Variants in TPD52 observed in about 807,000 individuals in gnomAD.
TPD52 encodes tumor protein D52, also known as prostate and colon associated protein.
Under a neutral mutation model 31.3 loss-of-function variants are expected in TPD52, and 17 were observed. The observed-to-expected ratio is 0.54, with a 90% CI of 0.37 to 0.82. The LOEUF (loss-of-function observed/expected upper bound fraction) is 0.82, where lower values mean the gene tolerates loss of function less well. Among genes scored for constraint, TPD52 ranks in the 40% least tolerant of loss-of-function variants. The probability of loss-of-function intolerance (pLI) is 0.00; values close to 1 mark genes in which losing one functional copy is unlikely to be tolerated. For synonymous variants in TPD52, 83 were observed against 89.6 expected, an observed-to-expected ratio of 0.93 and a Z score of 0.42; for missense variants, 212 against 240.1, an observed-to-expected ratio of 0.88 and a Z score of 0.77.
intron 1 of TPD52, among the ~76,000 whole-genome samples, chr8:80,164,118 T>C (rs1327054875): frequency 3.3e-5 from 5 of 151,672 alleles, no homozygotes; most frequent in Non-Finnish European, 7.4e-5. Flanking sequence ...GCCAGCATGA[T>C]TTTTGTTGAA....
intron 2 of TPD52, among the ~76,000 whole-genome samples, chr8:80,062,819 A>T (rs1203846435): frequency 6.6e-6 from 1 of 152,048 alleles, no homozygotes; most frequent in East Asian, 1.9e-4. Flanking sequence ...AAATTAAAAA[A>T]TTTGCCAGGC....
intron 1 of TPD52, among the ~76,000 whole-genome samples, chr8:80,166,982 T>C (rs572769459): frequency 6.6e-6 from 1 of 152,210 alleles, no homozygotes; most frequent in Non-Finnish European, 1.5e-5. Context: ...CTAACTATGA[T>C]TTCTCATTCT....
chr8:80,115,088 T>C (rs896328576), intron 1 of TPD52, among the ~76,000 whole-genome samples: 3 of 152,238 alleles, frequency 2.0e-5, no homozygotes, highest in Non-Finnish European at 4.4e-5. Context: ...ATGCTCCTTT[T>C]GTTTTTTGAA....
At chr8:80,094,469 T>C (rs1816566460) in intron 1 of TPD52, among the ~76,000 whole-genome samples, 1 of 119,432 alleles carries the variant, frequency 8.4e-6, no homozygotes, top group Non-Finnish European at 1.8e-5. Flanking sequence ...TATATATATA[T>C]ATATATATAT....
chr8:80,048,545 G>T (rs970495565), intron 5 of TPD52, among the ~76,000 whole-genome samples: 1 of 152,204 alleles, frequency 6.6e-6, no homozygotes, highest in Non-Finnish European at 1.5e-5. Flanking sequence ...TGCTGGAATT[G>T]TAACACTCAA....
intron 1 of TPD52, among the ~76,000 whole-genome samples, chr8:80,138,735 C>T (rs1809614326): frequency 6.6e-6 from 1 of 152,140 alleles, no homozygotes; most frequent in Admixed American, 6.5e-5. Flanking sequence ...TTGAGCTCTT[C>T]ACCTCGCTAT....
At chr8:80,120,174 G>T (rs548594901) in intron 1 of TPD52, among the ~76,000 whole-genome samples, 10 of 152,174 alleles carry the variant, frequency 6.6e-5, no homozygotes, top group African/African-American at 2.4e-4. Flanking sequence ...CAACAAAATT[G>T]GAATTAAATG....
At chr8:80,161,730 A>ATTT (rs1352866479) in intron 1 of TPD52, among the ~76,000 whole-genome samples, 681 of 56,198 alleles carry the variant, frequency 0.012, 4 homozygotes, top group African/African-American at 0.02. Flanking sequence ...ATATATATAT[A>ATTT]TATTTTTTTT....
intron 2 of TPD52, among the ~76,000 whole-genome samples, chr8:80,056,811 T>C (rs1811939740): frequency 6.6e-6 from 1 of 152,108 alleles, no homozygotes; most frequent in African/African-American, 2.4e-5. Flanking sequence ...CTCAAAAAGT[T>C]AAACATAGAG....
chr8:80,070,174 G>A (rs539662785), intron 1 of TPD52, among the ~76,000 whole-genome samples: 93 of 152,144 alleles, frequency 6.1e-4, no homozygotes, highest in Non-Finnish European at 1.1e-3. Context: ...AGAGTTTGAG[G>A]AGCGCCTCTC....
intron 1 of TPD52, among the ~76,000 whole-genome samples, chr8:80,132,680 A>G (rs950485325): frequency 4.6e-5 from 7 of 152,214 alleles, no homozygotes; most frequent in African/African-American, 7.2e-5. Flanking sequence ...TCTTGGGTTT[A>G]CAACATACCA....
intron 1 of TPD52, among the ~76,000 whole-genome samples, chr8:80,086,101 C>CTTTTTTTTTTTTTTTTGTTTTTTTTTT (rs762805549): frequency 2.7e-5 from 3 of 112,694 alleles, no homozygotes; most frequent in African/African-American, 3.3e-5. Context: ...GGTTTTTTTG[C>CTTTTTTTTTTTTTTTTGTTTTTTTTTT]TTTTTTTTTT....
chr8:80,047,833 A>C (rs1811016901), intron 5 of TPD52, among the ~76,000 whole-genome samples: 1 of 152,230 alleles, frequency 6.6e-6, no homozygotes, highest in Non-Finnish European at 1.5e-5. Context: ...GAAGAAACAC[A>C]CATTTAAAAA....
Position 80,038,085 on chromosome 8 carries a change from G to C in TPD52, c.*31C>G. On this transcript the variant is annotated 3_prime_UTR_variant, in exon 8 of 8. Coordinates refer to ENST00000518937, the MANE Select transcript of TPD52 (RefSeq NM_001025253.3). ...TGCTTGGACCTCGCTTGCAGCATCT[G>C]GCAGTGGGTAGCAGAACAAAGGTAG... The C allele has an allele frequency of 6.2e-7, 1 of 1,610,486 alleles. No homozygotes were observed. Among genetic ancestry groups the C allele is most frequent in the South Asian group, 1.1e-5 (1 of 90,922 alleles).
intron 1 of TPD52, among the ~76,000 whole-genome samples, chr8:80,139,349 A>G (rs775185289): frequency 6.6e-6 from 1 of 152,140 alleles, no homozygotes; most frequent in Non-Finnish European, 1.5e-5. Flanking sequence ...ACATCACCGC[A>G]ATCTAATTTT....
intron 1 of TPD52, among the ~76,000 whole-genome samples, chr8:80,108,825 T>C (rs1365187): frequency 0.44 from 67,590 of 152,084 alleles, 15,509 homozygotes; most frequent in East Asian, 0.79. Context: ...ACATTTTACC[T>C]TTTAAGCTAT....
chr8:80,150,621 T>C (rs766698956), intron 1 of TPD52, among the ~76,000 whole-genome samples: 2 of 152,214 alleles, frequency 1.3e-5, no homozygotes, highest in Non-Finnish European at 1.5e-5. Context: ...TGCATCAGCG[T>C]GACCTGGATG....
intron 1 of TPD52, among the ~76,000 whole-genome samples, chr8:80,117,117 T>C (rs1245728193): frequency 6.6e-6 from 1 of 152,198 alleles, no homozygotes; most frequent in African/African-American, 2.4e-5. Context: ...TTATCACTTC[T>C]ATTTAACATT....
intron 4 of TPD52, among the ~76,000 whole-genome samples, 152 bp from the exon 5 acceptor site, chr8:80,050,623 A>G (rs931283011): frequency 3.3e-5 from 5 of 152,222 alleles, no homozygotes; most frequent in African/African-American, 1.2e-4. Flanking sequence ...CACCTAATAG[A>G]TACATACATA....
Sources: allele counts gnomAD v4.1 joint callset (sites outside exome capture counted in the v4.1 genomes callset), GRCh38; gene constraint gnomAD v4.1.1; transcripts MANE v1.5; gene names NCBI Gene and HGNC (gene_info 2026-07-23, HGNC 2026-07-21).